MGMT: variants seen among roughly 807,000 people sequenced by gnomAD.
MGMT encodes the protein O-6-methylguanine-DNA methyltransferase.
Under a neutral mutation model 15.9 loss-of-function variants are expected in MGMT, and 14 were observed. The observed-to-expected ratio is 0.88, with a 90% CI of 0.58 to 1.37. The LOEUF (loss-of-function observed/expected upper bound fraction) is 1.37, where lower values mean the gene tolerates loss of function less well. Ranked by LOEUF, MGMT falls within the 40% of genes most tolerant of loss-of-function variation. MGMT has a pLI of 0.00. For missense variants in MGMT, 282 were observed against 268.1 expected (o/e 1.05, Z -0.36); for synonymous variants, 130 against 118.2 (o/e 1.10, Z -0.65).
chr10:129,538,809 T>C (rs551216640), intron 2 of MGMT, among the ~76,000 whole-genome samples: 2 of 152,274 alleles, frequency 1.3e-5, no homozygotes, highest in East Asian at 3.9e-4. Context: ...CTAATTTTTG[T>C]ATTTTTAGTA....
intron 2 of MGMT, among the ~76,000 whole-genome samples, chr10:129,546,973 A>C (rs570242949): frequency 6.6e-6 from 1 of 152,244 alleles, no homozygotes; most frequent in East Asian, 1.9e-4. Context: ...CCTTCACCCC[A>C]AACACCCCAA....
chr10:129,616,424 C>G (rs1847027369), intron 2 of MGMT, among the ~76,000 whole-genome samples: 1 of 152,160 alleles, frequency 6.6e-6, no homozygotes, highest in African/African-American at 2.4e-5. Context: ...GGCATAGAAG[C>G]TGTGCCCTGG....
At chr10:129,631,446 A>G (rs1026323565) in intron 2 of MGMT, among the ~76,000 whole-genome samples, 1 of 152,248 alleles carries the variant, frequency 6.6e-6, no homozygotes, top group African/African-American at 2.4e-5. Context: ...AATAACAATG[A>G]TGGCTTACAT....
chr10:129,570,112 C>T (rs909807326), intron 2 of MGMT, among the ~76,000 whole-genome samples: 1 of 152,234 alleles, frequency 6.6e-6, no homozygotes, highest in Non-Finnish European at 1.5e-5. Context: ...CCCTCACGTG[C>T]ATGGCCGCAG....
At chr10:129,480,886 A>G (rs917034965) in intron 1 of MGMT, among the ~76,000 whole-genome samples, 21 of 152,246 alleles carry the variant, frequency 1.4e-4, no homozygotes, top group African/African-American at 4.8e-4. Context: ...TTGTTCTAAA[A>G]TGAAGTTGGT....
intron 3 of MGMT, 84 bp downstream of exon 3, chr10:129,708,127 GTATACC>G: frequency 6.7e-7 from 1 of 1,497,778 alleles, no homozygotes; most frequent in Admixed American, 2.1e-5. Context: ...ATTTTATTGA[GTATACC>G]AACTTGGTAT....
intron 3 of MGMT, among the ~76,000 whole-genome samples, chr10:129,709,155 G>A (rs907272701): frequency 1.3e-5 from 2 of 152,170 alleles, no homozygotes; most frequent in African/African-American, 4.8e-5. Flanking sequence ...TCTAGGATGG[G>A]CAGATAGGAA....
rs748430786 is a variant in MGMT, at chr10:129,766,797, C to A, written c.424C>A (p.Leu142Ile). Residue 142 changes from leucine to isoleucine, a missense_variant, in exon 5 of 5, where the codon CTC becomes ATC. Physicochemically the swap from Leu to Ile is conservative, Grantham distance 5. Coordinates refer to ENST00000651593, the MANE Select transcript of MGMT (RefSeq NM_002412.5). The stretch of plus-strand genomic sequence containing the variant: ...CCCCCCTGTCTTCCAGGTCCCCATC[C>A]TCATCCCGTGCCACAGAGTGGTCTG... Reference protein sequence around the residue: ...GAMRGNPVPILIPCHRVVCSS... With the variant: ...GAMRGNPVPIIIPCHRVVCSS... 29 of 1,612,632 alleles carry A rather than the reference C, an allele frequency of 1.8e-5. No homozygotes were observed. Among genetic ancestry groups the A allele is most frequent in the South Asian group, 9.9e-5 (9 of 90,968 alleles).
chr10:129,530,603 A>G (rs930335364), intron 1 of MGMT, among the ~76,000 whole-genome samples: 8 of 152,198 alleles, frequency 5.3e-5, no homozygotes, highest in South Asian at 2.1e-4. Context: ...TATTTCCACA[A>G]TCGACCTTGG....
intron 1 of MGMT, among the ~76,000 whole-genome samples, chr10:129,504,748 C>T (rs1845608156): frequency 6.6e-6 from 1 of 152,220 alleles, no homozygotes; most frequent in Non-Finnish European, 1.5e-5. Context: ...TGCCACCTCA[C>T]ATGCCACCAT....
At chr10:129,751,369 A>G (rs962783041) in intron 3 of MGMT, among the ~76,000 whole-genome samples, 3 of 151,944 alleles carry the variant, frequency 2.0e-5, no homozygotes, top group Non-Finnish European at 4.4e-5. Context: ...CTGTGGCAAT[A>G]TCTTCTCTTT....
At chr10:129,626,679 G>T (rs1847153752) in intron 2 of MGMT, among the ~76,000 whole-genome samples, 1 of 152,176 alleles carries the variant, frequency 6.6e-6, no homozygotes, top group African/African-American at 2.4e-5. Context: ...ACAGGCTCCG[G>T]TTCCAGCTAC....
intron 1 of MGMT, among the ~76,000 whole-genome samples, chr10:129,515,518 G>T (rs1012532009): frequency 1.3e-5 from 2 of 152,204 alleles, no homozygotes; most frequent in African/African-American, 4.8e-5. Context: ...GCTCTTTAAT[G>T]GGAAAGTTGG....
At position 129,575,954 on chromosome 10, in the gene MGMT, C is replaced by T. The variant is rs199818433; in HGVS notation, c.125+39577C>T. On this transcript the variant is annotated intron_variant, in intron 2 of 4. Transcript: ENST00000651593. ...ATCTAGAAGAAATGGATAAATTCCT[C>T]GACACATACACTCTCCCAAGACTAA... 6.1e-3 allele frequency among the ~76,000 whole-genome samples: 924 copies of T among 152,088 alleles called. 3 individuals carry two copies. Among genetic ancestry groups the T allele is most frequent in the Non-Finnish European group, 9.8e-3 (663 of 67,958 alleles).
chr10:129,725,670 C>A (rs919288414), intron 3 of MGMT, among the ~76,000 whole-genome samples: 2 of 152,332 alleles, frequency 1.3e-5, no homozygotes, highest in African/African-American at 4.8e-5. Flanking sequence ...TGTCCATGCT[C>A]TGGGCAGGCT....
chr10:129,523,813 C>T, intron 1 of MGMT, among the ~76,000 whole-genome samples: 1 of 152,180 alleles, frequency 6.6e-6, no homozygotes, highest in Admixed American at 6.5e-5. Flanking sequence ...CCAGGCGGGA[C>T]CCTGGCTGGA....
chr10:129,710,238 C>T (rs1848216089), intron 3 of MGMT, among the ~76,000 whole-genome samples: 1 of 152,224 alleles, frequency 6.6e-6, no homozygotes, highest in South Asian at 2.1e-4. Flanking sequence ...TCCCCCGTGG[C>T]CCTGCCCCTC....
intron 2 of MGMT, among the ~76,000 whole-genome samples, chr10:129,597,235 A>G (rs1043915636): frequency 1.3e-5 from 2 of 152,108 alleles, no homozygotes; most frequent in Non-Finnish European, 2.9e-5. Context: ...TACAAATTGC[A>G]CCATTGTTAT....
intron 3 of MGMT, among the ~76,000 whole-genome samples, chr10:129,720,007 C>A (rs1329021639): frequency 6.6e-6 from 1 of 152,102 alleles, no homozygotes; most frequent in Non-Finnish European, 1.5e-5. Flanking sequence ...AAGATTGGGC[C>A]GTTATTAGGA....
Sources: gnomAD v4.1 joint callset for allele counts (sites outside exome capture counted in the v4.1 genomes callset) on GRCh38, gnomAD v4.1.1 for gene constraint, MANE v1.5 for transcripts, NCBI Gene and HGNC (gene_info 2026-07-23, HGNC 2026-07-21) for gene names.